Variants in CAMKMT observed in about 807,000 individuals in gnomAD.
CAMKMT encodes CaM KMT.
CAMKMT carries 53 observed loss-of-function variants against 48.0 expected under a neutral mutation model. The observed-to-expected ratio is 1.10, with a 90% CI of 0.89 to 1.39. CAMKMT has a LOEUF of 1.39. Among genes scored for constraint, CAMKMT ranks in the 40% most tolerant of loss-of-function variants. CAMKMT has a pLI of 0.00. For synonymous variants in CAMKMT, 165 were observed against 152.3 expected, an observed-to-expected ratio of 1.08 and a Z score of -0.61; for missense variants, 428 against 402.7, an observed-to-expected ratio of 1.06 and a Z score of -0.54.
At chr2:44,680,063 C>T (rs1675932503) in intron 3 of CAMKMT, among the ~76,000 whole-genome samples, 1 of 152,208 alleles carries the variant, frequency 6.6e-6, no homozygotes, top group Non-Finnish European at 1.5e-5. Context: ...GCCAGTGTGT[C>T]TGTGCTTGGC....
chr2:44,669,220 A>G (rs528596510), intron 3 of CAMKMT, among the ~76,000 whole-genome samples: 19 of 152,290 alleles, frequency 1.2e-4, no homozygotes, highest in African/African-American at 4.3e-4. Context: ...TGAATTGCTT[A>G]TGTTGCTCAC....
intron 3 of CAMKMT, among the ~76,000 whole-genome samples, chr2:44,581,175 T>C (rs1669537895): frequency 6.6e-6 from 1 of 152,186 alleles, no homozygotes; most frequent in Non-Finnish European, 1.5e-5. Flanking sequence ...AAAGATTACC[T>C]TTTCTGAATT....
At chr2:44,465,891 A>G (rs1668085361) in intron 3 of CAMKMT, among the ~76,000 whole-genome samples, 2 of 152,238 alleles carry the variant, frequency 1.3e-5, no homozygotes, top group African/African-American at 2.4e-5. Flanking sequence ...GGTTAGCCCT[A>G]CTTAGACAAA....
intron 3 of CAMKMT, among the ~76,000 whole-genome samples, chr2:44,669,735 T>G (rs1675222439): frequency 6.6e-6 from 1 of 152,158 alleles, no homozygotes; most frequent in African/African-American, 2.4e-5. Flanking sequence ...CCTCCTGGGC[T>G]TAGGTGATCC....
intron 3 of CAMKMT, among the ~76,000 whole-genome samples, chr2:44,449,171 C>G (rs1162563791): frequency 6.6e-6 from 1 of 152,238 alleles, no homozygotes; most frequent in South Asian, 2.1e-4. Context: ...AAACTTCAAT[C>G]AGATCGTTTT....
intron 3 of CAMKMT, among the ~76,000 whole-genome samples, chr2:44,450,964 G>T (rs1441114863): frequency 6.6e-6 from 1 of 152,040 alleles, no homozygotes. Context: ...TTGAAGTTTT[G>T]CAGGAAGTGC....
chr2:44,497,351 G>A (rs915017964), intron 3 of CAMKMT, among the ~76,000 whole-genome samples: 2 of 152,086 alleles, frequency 1.3e-5, no homozygotes, highest in African/African-American at 2.4e-5. Flanking sequence ...ACTAGCCAGA[G>A]TTGGAAGAAA....
At position 44,549,217 on chromosome 2, in the gene CAMKMT, G is replaced by C. The variant is rs761090620; in HGVS notation, c.377-155066G>C. ...AGATGATTGCAATCTTCTGAATCTGGTGAATGCCTGAGGCTCTCTCACCAG... is the reference window on the plus strand; with the variant it reads ...AGATGATTGCAATCTTCTGAATCTGCTGAATGCCTGAGGCTCTCTCACCAG... On this transcript the variant is annotated intron_variant, in intron 3 of 10. Coordinates refer to ENST00000378494, the MANE Select transcript of CAMKMT (RefSeq NM_024766.5). Among the ~76,000 whole-genome samples the C allele has an allele frequency of 3.2e-4, 49 of 152,218 alleles. No homozygotes were observed. In the Middle Eastern group the frequency reaches 0.014, roughly 42 times the overall value.
chr2:44,585,854 A>T (rs1209318639), intron 3 of CAMKMT, among the ~76,000 whole-genome samples: 1 of 152,232 alleles, frequency 6.6e-6, no homozygotes, highest in African/African-American at 2.4e-5. Context: ...TATTATTTAT[A>T]AACAATGCAT....
At chr2:44,395,359 G>A (rs1046897987) in intron 3 of CAMKMT, among the ~76,000 whole-genome samples, 1 of 152,042 alleles carries the variant, frequency 6.6e-6, no homozygotes, top group African/African-American at 2.4e-5. Context: ...GTGTATACAT[G>A]TACATATGCA....
intron 9 of CAMKMT, among the ~76,000 whole-genome samples, chr2:44,761,252 C>T (rs1680604120): frequency 6.6e-6 from 1 of 152,148 alleles, no homozygotes; most frequent in Non-Finnish European, 1.5e-5. Flanking sequence ...GCATTCCACT[C>T]AAGGGGAGCA....
chr2:44,720,305 C>T (rs1678398848), intron 7 of CAMKMT, among the ~76,000 whole-genome samples: 1 of 151,886 alleles, frequency 6.6e-6, no homozygotes, highest in African/African-American at 2.4e-5. Context: ...TTGGATTTGC[C>T]CACTTCTACT....
intron 3 of CAMKMT, among the ~76,000 whole-genome samples, chr2:44,568,966 G>A (rs1202140403): frequency 6.6e-6 from 1 of 152,162 alleles, no homozygotes; most frequent in Non-Finnish European, 1.5e-5. Flanking sequence ...CAATGGTGGT[G>A]GTTGAAATGT....
intron 1 of CAMKMT, among the ~76,000 whole-genome samples, chr2:44,371,060 C>T (rs1572651797): frequency 6.6e-6 from 1 of 152,216 alleles, no homozygotes; most frequent in South Asian, 2.1e-4. Flanking sequence ...TCTCGGCTTA[C>T]TGCAACCTCT....
chr2:44,396,469 A>G (rs1240436111), intron 3 of CAMKMT, among the ~76,000 whole-genome samples: 1 of 152,196 alleles, frequency 6.6e-6, no homozygotes, highest in Non-Finnish European at 1.5e-5. Flanking sequence ...GAGGTATTTC[A>G]CAAGAGAAAT....
chr2:44,696,237 C>T (rs1186439456), intron 3 of CAMKMT, among the ~76,000 whole-genome samples: 1 of 152,122 alleles, frequency 6.6e-6, no homozygotes, highest in Non-Finnish European at 1.5e-5. Flanking sequence ...GCCACTGTGC[C>T]CGGCCAAAAA....
rs562162905 is a variant in CAMKMT at position 44,523,685 on chromosome 2, T to C, written c.376+133380T>C. On this transcript the variant is annotated intron_variant, in intron 3 of 10. Transcript: ENST00000378494. The stretch of plus-strand genomic sequence containing the variant: ...AAGGCTTAACTGGGACCATAGACTA[T>C]AGAGTACCTGTATATGACCTCTATG... Among the ~76,000 whole-genome samples, 4 of 151,968 alleles carry C rather than the reference T, an allele frequency of 2.6e-5. No homozygotes were observed. The South Asian group carries it at 8.3e-4, about 32-fold the overall frequency.
In CAMKMT at chr2:44,542,544, C is replaced by G. The variant is rs1214334093; in HGVS notation, c.376+152239C>G. Among the ~76,000 whole-genome samples, 4 of 58,540 alleles carry G rather than the reference C, an allele frequency of 6.8e-5. No homozygotes were observed. The Admixed American group carries it at 8.0e-4, about 12-fold the overall frequency. The allele number at this position is 58,540 out of a possible 152,430, so 38.4% of individuals were successfully genotyped here. ...ACACACACACACACACACACTCTCT[C>G]TCTCTCTCTCTCTTTCTCTCTCCAT... On this transcript the variant is annotated intron_variant, in intron 3 of 10. Transcript: ENST00000378494.
intron 3 of CAMKMT, among the ~76,000 whole-genome samples, chr2:44,608,384 T>C (rs1671416361): frequency 6.6e-6 from 1 of 152,084 alleles, no homozygotes; most frequent in Non-Finnish European, 1.5e-5. Context: ...TTTTCCTTTT[T>C]TGTACTTTTA....
Sources: gnomAD v4.1 joint callset for allele counts (sites outside exome capture counted in the v4.1 genomes callset) on GRCh38, gnomAD v4.1.1 for gene constraint, MANE v1.5 for transcripts, NCBI Gene and HGNC (gene_info 2026-07-23, HGNC 2026-07-21) for gene names.